YJU2: variants seen among roughly 807,000 people sequenced by gnomAD.
YJU2 encodes the protein splicing factor YJU2.
A neutral mutation model predicts 39.6 loss-of-function variants in YJU2; 28 were observed. That is an observed-to-expected ratio of 0.71 (90% confidence interval 0.52 to 0.97). The LOEUF (loss-of-function observed/expected upper bound fraction) is 0.97. Among genes scored for constraint, YJU2 ranks in the 50% least tolerant of loss-of-function variants. YJU2 has a pLI of 0.00. For synonymous variants in YJU2, 184 were observed against 182.4 expected (o/e 1.01, Z -0.07); for missense variants, 328 against 430.4 (o/e 0.76, Z 2.11).
rs765626174 is a variant in YJU2, at chr19:4,254,344, C to T, written c.271-11C>T. On this transcript the variant is annotated splice_polypyrimidine_tract_variant and intron_variant, in intron 3 of 7. Transcript: ENST00000262962. ...GATGTAGGAGCTGATGTCTGTCTAT[C>T]CTCCCTGCAGACAGACCCTGAAAAC... 11 of 1,608,184 alleles carry T rather than the reference C, an allele frequency of 6.8e-6. No homozygotes were observed. In the Admixed American group the frequency reaches 8.4e-5, roughly 12 times the overall value.
At chr19:4,247,416 T>A (rs1330757881) in intron 1 of YJU2, 1 of 466,868 alleles carries the variant, frequency 2.1e-6, no homozygotes, top group Non-Finnish European at 3.8e-6. Flanking sequence ...GCTTGGGCTT[T>A]TACCCAATCA....
rs184849490 is a variant in YJU2, at chr19:4,266,700, G to A, written c.709-924G>A. Reference sequence around the variant, plus strand: ...ATTTAAACATAAAACAGATTGAAGAGGCTAGATGCAGTGGCTCACGCCTGT... The same window carrying A: ...ATTTAAACATAAAACAGATTGAAGAAGCTAGATGCAGTGGCTCACGCCTGT... On this transcript the variant is annotated intron_variant, in intron 6 of 7. Coordinates refer to ENST00000262962, the MANE Select transcript of YJU2 (RefSeq NM_018074.6). 2.5e-4 allele frequency among the ~76,000 whole-genome samples: 38 copies of A among 152,312 alleles called. No individual in the cohort carries two copies. The East Asian group carries it at 7.1e-3, about 29-fold the overall frequency.
intron 6 of YJU2, among the ~76,000 whole-genome samples, chr19:4,266,470 G>A (rs909255329): frequency 9.2e-5 from 14 of 151,812 alleles, no homozygotes; most frequent in African/African-American, 3.1e-4. Flanking sequence ...ACTCCTACTC[G>A]CCCTTCAATA....
chr19:4,250,352 A>G (rs1337293561), intron 2 of YJU2, among the ~76,000 whole-genome samples: 1 of 152,130 alleles, frequency 6.6e-6, no homozygotes, highest in Non-Finnish European at 1.5e-5. Context: ...GCCGAGCGCC[A>G]GGAACAAAGT....
chr19:4,269,055 A>C lies in YJU2; in HGVS notation c.*359A>C. 1 of 219,102 alleles carries C rather than the reference A, an allele frequency of 4.6e-6. No individual in the cohort carries two copies. Among genetic ancestry groups the C allele is most frequent in the Non-Finnish European group, 9.2e-6 (1 of 109,138 alleles). The allele number at this position is 219,102 out of a possible 1,614,324, so 13.6% of individuals were successfully genotyped here. A position where few individuals can be genotyped will look rare whatever the true frequency, so the allele number is the denominator to read the frequency against. On this transcript the variant is annotated 3_prime_UTR_variant, in exon 8 of 8. Coordinates refer to ENST00000262962, the MANE Select transcript of YJU2 (RefSeq NM_018074.6). ...GATGGCCTCATCTCTTCCTTCCACA[A>C]ACTGTCTAGAACCAATAAAAGGAAA...
At chr19:4,268,013 T>C (rs1599504652) in intron 7 of YJU2, among the ~76,000 whole-genome samples, 1 of 151,096 alleles carries the variant, frequency 6.6e-6, no homozygotes, top group Admixed American at 6.6e-5. Context: ...AGTGCAGTGG[T>C]GCCATCTCGG....
chr19:4,258,283 GGT>G lies in YJU2; in HGVS notation c.449_450del (p.Val150AlafsTer66). On this transcript the variant is annotated frameshift_variant, in exon 5 of 8. Coordinates refer to ENST00000262962, the MANE Select transcript of YJU2 (RefSeq NM_018074.6). LOFTEE classifies it high-confidence loss of function. ...CCAAGGACTCCAAGCTGGAGATGGA[GGT>G]GCTGGAGAACCTCCAGGAGCTGAAA... is the stretch of plus-strand genomic sequence containing the variant. Reference protein sequence around the residue: ...RTKDSKLEMEVLENLQELKDL... With the variant: ...RTKDSKLEMEXLENLQELKDL... The G allele has an allele frequency of 1.3e-6, 2 of 1,559,766 alleles. No individual in the cohort carries two copies. Among genetic ancestry groups the G allele is most frequent in the Non-Finnish European group, 1.7e-6 (2 of 1,151,358 alleles).
chr19:4,264,129 G>T (rs1971095833), intron 6 of YJU2, among the ~76,000 whole-genome samples: 1 of 151,454 alleles, frequency 6.6e-6, no homozygotes, highest in South Asian at 2.1e-4. Context: ...GGGCGTGGTG[G>T]CGGGCGCCTG....
chr19:4,264,283 A>AG (rs1207625411), intron 6 of YJU2, among the ~76,000 whole-genome samples: 1 of 149,630 alleles, frequency 6.7e-6, no homozygotes, highest in African/African-American at 2.5e-5. Flanking sequence ...AAAAAAAAAA[A>AG]AAAGAAACGA....
intron 4 of YJU2, among the ~76,000 whole-genome samples, chr19:4,256,005 C>T (rs1387339598): frequency 6.6e-6 from 1 of 151,450 alleles, no homozygotes; most frequent in Non-Finnish European, 1.5e-5. Context: ...AAAACTCTGT[C>T]TCAACAACAA....
chr19:4,267,616 A>G lies in YJU2; in HGVS notation c.709-8A>G, dbSNP rs1400400222. On this transcript the variant is annotated splice_region_variant and splice_polypyrimidine_tract_variant and intron_variant, in intron 6 of 7. Coordinates refer to ENST00000262962, the MANE Select transcript of YJU2 (RefSeq NM_018074.6). ...CCAGACCCCCACATGTGTCCCCATC[A>G]CCTGCAGGCCCCAAAGCCCAAGAGG... 4.3e-6 allele frequency: 7 copies of G among 1,611,058 alleles called. No homozygotes were observed. The highest frequency in any genetic ancestry group is 1.3e-5 in the African/African-American group (1 of 74,856).
intron 2 of YJU2, among the ~76,000 whole-genome samples, chr19:4,250,633 G>A (rs565448547): frequency 2.6e-5 from 4 of 152,222 alleles, no homozygotes; most frequent in East Asian, 1.9e-4. Flanking sequence ...GACAGGAGGC[G>A]GGCGTGCTGG....
intron 7 of YJU2, among the ~76,000 whole-genome samples, chr19:4,268,344 G>A (rs4807563): frequency 0.37 from 55,982 of 152,126 alleles, 10,903 homozygotes; most frequent in East Asian, 0.52. Context: ...TCTTGGCAGC[G>A]CACGTTGCCT....
In YJU2 at chr19:4,268,768, G is replaced by C; in HGVS notation, c.*72G>C. 1 of 1,142,528 alleles carries C rather than the reference G, an allele frequency of 8.8e-7. No homozygotes were observed. Among genetic ancestry groups the C allele is most frequent in the Non-Finnish European group, 1.3e-6 (1 of 777,654 alleles). 70.8% of individuals were successfully genotyped at this position (1,142,528 alleles called of 1,614,324 possible). A position where few individuals can be genotyped will look rare whatever the true frequency, so the allele number is the denominator to read the frequency against. ...CAGCCACATTGAGGCCAGCATTGCTGGTGGTCAGGGCAGGAGGCCTTGGCG... is the reference window on the plus strand; with the variant it reads ...CAGCCACATTGAGGCCAGCATTGCTCGTGGTCAGGGCAGGAGGCCTTGGCG... On this transcript the variant is annotated 3_prime_UTR_variant, in exon 8 of 8. Coordinates refer to ENST00000262962, the MANE Select transcript of YJU2 (RefSeq NM_018074.6).
chr19:4,264,678 C>T (rs4806977), intron 6 of YJU2, among the ~76,000 whole-genome samples: 46,118 of 151,560 alleles, frequency 0.3, 7,265 homozygotes, highest in East Asian at 0.49. Flanking sequence ...GTAGAGATGG[C>T]GTTTCACCAT....
chr19:4,264,028 C>T, intron 6 of YJU2, among the ~76,000 whole-genome samples: 1 of 151,590 alleles, frequency 6.6e-6, no homozygotes, highest in East Asian at 2.0e-4. Context: ...TTTGGGAGGC[C>T]AAGGCGGGTG....
At chr19:4,263,809 C>CA (rs34863832) in intron 6 of YJU2, among the ~76,000 whole-genome samples, 5,589 of 98,128 alleles carry the variant, frequency 0.057, 473 homozygotes, top group African/African-American at 0.18. Context: ...GACTCTATCT[C>CA]AAAAAAAAAA....
At chr19:4,252,171 A>G (rs569389504) in intron 3 of YJU2, among the ~76,000 whole-genome samples, 1 of 149,482 alleles carries the variant, frequency 6.7e-6, no homozygotes, top group East Asian at 2.0e-4. Context: ...TGATTAAAAA[A>G]ACATTTTGGG....
intron 4 of YJU2, among the ~76,000 whole-genome samples, chr19:4,256,177 AAAAAAT>A (rs1483318229): frequency 1.4e-4 from 13 of 95,802 alleles, no homozygotes; most frequent in African/African-American, 7.3e-4. Flanking sequence ...CGCAAAAAAA[AAAAAAT>A]ATATATATAT....
Sources: gnomAD v4.1 joint callset for allele counts (sites outside exome capture counted in the v4.1 genomes callset) on GRCh38, gnomAD v4.1.1 for gene constraint, MANE v1.5 for transcripts, NCBI Gene and HGNC (gene_info 2026-07-23, HGNC 2026-07-21) for gene names.